The following TSPAN9 variants were observed in gnomAD, a reference collection of about 807,000 sequenced individuals.
The protein encoded by TSPAN9 is tetraspanin-9.
TSPAN9 carries 16 observed loss-of-function variants against 31.0 expected under a neutral mutation model. The observed-to-expected ratio is 0.52, with a 90% CI of 0.35 to 0.78. The LOEUF is 0.78. TSPAN9 is among the 30% of genes least tolerant of loss of function. TSPAN9 has a pLI of 0.01. For missense variants in TSPAN9, 272 were observed against 312.5 expected (o/e 0.87, Z 0.98); for synonymous variants, 145 against 121.6 (o/e 1.19, Z -1.27).
chr12:3,165,602 A>G (rs1046919418), intron 2 of TSPAN9, among the ~76,000 whole-genome samples: 1 of 152,082 alleles, frequency 6.6e-6, no homozygotes, highest in East Asian at 1.9e-4. Flanking sequence ...GTACAGAAGG[A>G]GATACTGAGG....
At chr12:3,218,732 C>G (rs2098382692) in intron 3 of TSPAN9, among the ~76,000 whole-genome samples, 9 of 152,204 alleles carry the variant, frequency 5.9e-5, no homozygotes, top group Admixed American at 6.5e-5. Context: ...CGGGCCGCCT[C>G]CCTTCCTCTC....
At chr12:3,145,837 G>A (rs1272220818) in intron 2 of TSPAN9, among the ~76,000 whole-genome samples, 1 of 152,234 alleles carries the variant, frequency 6.6e-6, no homozygotes, top group Non-Finnish European at 1.5e-5. Flanking sequence ...TGGCGTGGTG[G>A]CCAGCAAAAC....
chr12:3,095,672 CA>C (rs2098308058), intron 2 of TSPAN9, among the ~76,000 whole-genome samples: 1 of 150,640 alleles, frequency 6.6e-6, no homozygotes, highest in Non-Finnish European at 1.5e-5. Context: ...GCTGGCCAGG[CA>C]GAGGGGCTCC....
intron 2 of TSPAN9, among the ~76,000 whole-genome samples, chr12:3,174,805 A>G (rs977531872): frequency 2.7e-4 from 41 of 149,400 alleles, no homozygotes; most frequent in African/African-American, 9.5e-4. Context: ...GATGGTCTCG[A>G]TCTCCTGACC....
chr12:3,209,092 G>A (rs2335666), intron 3 of TSPAN9, among the ~76,000 whole-genome samples: 29,567 of 151,924 alleles, frequency 0.19, 3,586 homozygotes, highest in South Asian at 0.29. Flanking sequence ...AAAATTAGTC[G>A]GGTGTGGTGG....
chr12:3,275,636 G>C (rs527444840), intron 3 of TSPAN9, among the ~76,000 whole-genome samples: 2 of 152,266 alleles, frequency 1.3e-5, no homozygotes, highest in Non-Finnish European at 1.5e-5. Flanking sequence ...CCTAGTGGCC[G>C]TAGGCGGGGC....
intron 2 of TSPAN9, among the ~76,000 whole-genome samples, chr12:3,153,539 A>G (rs569985148): frequency 2.0e-5 from 3 of 150,982 alleles, no homozygotes; most frequent in Non-Finnish European, 4.5e-5. Context: ...AATCATCACA[A>G]TTATGATCAT....
In TSPAN9 at chr12:3,285,332, C is replaced by T. The variant is rs537297420; in HGVS notation, c.*2216C>T. 3 of 152,278 alleles carry T rather than the reference C, an allele frequency of 2.0e-5. No homozygotes were observed. Among genetic ancestry groups the T allele is most frequent in the East Asian group, 3.9e-4 (2 of 5,188 alleles). The allele number at this position is 152,278 out of a possible 1,614,324, so 9.4% of individuals were successfully genotyped here. On this transcript the variant is annotated 3_prime_UTR_variant, in exon 9 of 9. Coordinates refer to ENST00000011898, the MANE Select transcript of TSPAN9 (RefSeq NM_006675.5). ...TTTTAATTTTTGTTAATATCAACAGCAAAAGCCTAGTGCATTGGGAGATGT... is the reference window on the plus strand; with the variant it reads ...TTTTAATTTTTGTTAATATCAACAGTAAAAGCCTAGTGCATTGGGAGATGT...
intron 2 of TSPAN9, among the ~76,000 whole-genome samples, chr12:3,131,331 T>C (rs945042533): frequency 4.6e-5 from 7 of 152,288 alleles, no homozygotes; most frequent in African/African-American, 1.7e-4. Context: ...AGCCTGGACA[T>C]GCCGAAGCTG....
chr12:3,221,156 G>A (rs1320823509), intron 3 of TSPAN9, among the ~76,000 whole-genome samples: 1 of 152,016 alleles, frequency 6.6e-6, no homozygotes, highest in South Asian at 2.1e-4. Flanking sequence ...CAGTCCTCTT[G>A]TTGGGACCAC....
At chr12:3,254,426 C>T (rs1325359013) in intron 3 of TSPAN9, among the ~76,000 whole-genome samples, 1 of 152,228 alleles carries the variant, frequency 6.6e-6, no homozygotes, top group Admixed American at 6.5e-5. Context: ...AGTGCCCAGC[C>T]TTGCCCCTTC....
chr12:3,186,952 T>C (rs1004896362), intron 2 of TSPAN9, among the ~76,000 whole-genome samples: 7 of 152,208 alleles, frequency 4.6e-5, no homozygotes, highest in African/African-American at 1.7e-4. Flanking sequence ...CTTGAGAGCC[T>C]ATTAGAAAGT....
At chr12:3,104,959 G>C (rs891474272) in intron 2 of TSPAN9, among the ~76,000 whole-genome samples, 3 of 152,218 alleles carry the variant, frequency 2.0e-5, no homozygotes, top group African/African-American at 7.2e-5. Context: ...CCCTGTTCCT[G>C]TTGTTTGGCT....
At position 3,095,412 on chromosome 12, in the gene TSPAN9, G is replaced by C. The variant is rs1294950425; in HGVS notation, c.-18+11693G>C. On this transcript the variant is annotated intron_variant, in intron 2 of 8. Coordinates refer to ENST00000011898, the MANE Select transcript of TSPAN9 (RefSeq NM_006675.5). ...ACACCTCCCAGACGGGGTGGTGGCC[G>C]GGCAGAGGGGCTCCTCACTTCCCAG... is the stretch of plus-strand genomic sequence containing the variant. Among the ~76,000 whole-genome samples the C allele has an allele frequency of 4.5e-3, 661 of 147,696 alleles. 8 individuals are homozygous for C. The highest frequency in any genetic ancestry group is 0.035 in the East Asian group (168 of 4,856).
intron 2 of TSPAN9, among the ~76,000 whole-genome samples, chr12:3,124,050 T>G (rs1269821441): frequency 6.6e-6 from 1 of 152,154 alleles, no homozygotes; most frequent in Non-Finnish European, 1.5e-5. Flanking sequence ...GCAGTGGAGC[T>G]GCCAGGGTAG....
At chr12:3,139,738 G>A (rs2153967633) in intron 2 of TSPAN9, among the ~76,000 whole-genome samples, 1 of 152,214 alleles carries the variant, frequency 6.6e-6, no homozygotes, top group East Asian at 1.9e-4. Context: ...GGTAGAGATA[G>A]GGTTTCACCA....
intron 3 of TSPAN9, among the ~76,000 whole-genome samples, chr12:3,252,725 G>T (rs760747973): frequency 2.0e-5 from 3 of 152,254 alleles, no homozygotes; most frequent in Non-Finnish European, 4.4e-5. Flanking sequence ...ATCTTGGCAG[G>T]CATCCGTGTG....
At chr12:3,089,088 C>A (rs898921551) in intron 2 of TSPAN9, among the ~76,000 whole-genome samples, 1 of 151,440 alleles carries the variant, frequency 6.6e-6, no homozygotes, top group African/African-American at 2.4e-5. Context: ...AAAAATTAGC[C>A]GGGCGTGGTG....
intron 2 of TSPAN9, among the ~76,000 whole-genome samples, chr12:3,165,558 G>C (rs1299580873): frequency 6.6e-6 from 1 of 152,182 alleles, no homozygotes; most frequent in Non-Finnish European, 1.5e-5. Flanking sequence ...CCGCCGTACT[G>C]CAAGGCGAGG....
Sources: allele counts gnomAD v4.1 joint callset (sites outside exome capture counted in the v4.1 genomes callset), GRCh38; gene constraint gnomAD v4.1.1; transcripts MANE v1.5; gene names NCBI Gene and HGNC (gene_info 2026-07-23, HGNC 2026-07-21).